VAT1L: variants seen among roughly 807,000 people sequenced by gnomAD.
VAT1L encodes putative NADPH-dependent quinone oxidoreductase VAT1L.
Under a neutral mutation model 44.1 loss-of-function variants are expected in VAT1L, and 34 were observed. That is an observed-to-expected ratio of 0.77 (90% CI 0.59 to 1.03). The LOEUF (loss-of-function observed/expected upper bound fraction) is 1.03, where lower values mean the gene tolerates loss of function less well. Ranked by LOEUF, VAT1L falls within the 50% of genes least tolerant of loss-of-function variation. The pLI is 0.00. For missense variants in VAT1L, 615 were observed against 538.8 expected, an observed-to-expected ratio of 1.14 and a Z score of -1.40; for synonymous variants, 253 against 202.2, an observed-to-expected ratio of 1.25 and a Z score of -2.13.
intron 5 of VAT1L, among the ~76,000 whole-genome samples, chr16:77,878,465 C>A (rs1011338634): frequency 2.6e-5 from 4 of 152,056 alleles, no homozygotes; most frequent in Admixed American, 2.0e-4. Context: ...TCATTCCCCC[C>A]TCCCCTGCCC....
rs761214794 is a variant in VAT1L at position 77,825,228 on chromosome 16, G to T, written c.364-18G>T. ...TCATGAGGTAGCCTCCACTAACTCT[G>T]TGTTTCCCCATGCCCAGATTGGAGA... On this transcript the variant is annotated intron_variant, in intron 2 of 8. Transcript: ENST00000302536. 1.2e-6 allele frequency: 2 copies of T among 1,613,706 alleles called. No homozygotes were observed. Among genetic ancestry groups the T allele is most frequent in the South Asian group, 1.1e-5 (1 of 91,050 alleles).
intron 8 of VAT1L, among the ~76,000 whole-genome samples, chr16:77,973,588 G>C (rs1436564910): frequency 6.7e-6 from 1 of 149,674 alleles, no homozygotes; most frequent in East Asian, 2.0e-4. Context: ...TGGCCCCCAG[G>C]TTATCTTTAA....
At chr16:77,872,759 C>A (rs554742535) in intron 4 of VAT1L, among the ~76,000 whole-genome samples, 10 of 152,212 alleles carry the variant, frequency 6.6e-5, no homozygotes, top group Non-Finnish European at 1.2e-4. Flanking sequence ...GTGTTTGGTT[C>A]ATTTATAGAT....
chr16:77,797,059 G>A (rs543716819), intron 1 of VAT1L, among the ~76,000 whole-genome samples: 1 of 152,100 alleles, frequency 6.6e-6, no homozygotes, highest in African/African-American at 2.4e-5. Context: ...CTAAAGGCCC[G>A]GATTTCACCA....
intron 7 of VAT1L, among the ~76,000 whole-genome samples, chr16:77,949,669 C>T (rs553935810): frequency 2.0e-5 from 3 of 152,324 alleles, no homozygotes; most frequent in South Asian, 2.1e-4. Flanking sequence ...GATCTCTGCA[C>T]GTGCCAGCTC....
intron 3 of VAT1L, among the ~76,000 whole-genome samples, chr16:77,843,733 TC>T (rs1375625045): frequency 6.6e-6 from 1 of 152,198 alleles, no homozygotes; most frequent in Non-Finnish European, 1.5e-5. Context: ...CTACTCCCTG[TC>T]CCTGATACAA....
At chr16:77,894,133 T>C (rs2017296864) in intron 7 of VAT1L, among the ~76,000 whole-genome samples, 2 of 152,158 alleles carry the variant, frequency 1.3e-5, no homozygotes, top group Admixed American at 6.5e-5. Context: ...GTCTCCACTA[T>C]GTTGGGAAAG....
At chr16:77,913,700 G>A (rs1324946627) in intron 7 of VAT1L, among the ~76,000 whole-genome samples, 2 of 152,172 alleles carry the variant, frequency 1.3e-5, no homozygotes, top group Admixed American at 1.3e-4. Flanking sequence ...TCTTTGACAT[G>A]GTTGGAGGGG....
At chr16:77,839,106 G>T (rs1368491685) in intron 3 of VAT1L, among the ~76,000 whole-genome samples, 1 of 152,120 alleles carries the variant, frequency 6.6e-6, no homozygotes, top group African/African-American at 2.4e-5. Flanking sequence ...CGCAGAACAT[G>T]AGGACGTAAG....
rs1425965680 is a variant in VAT1L at position 77,834,726 on chromosome 16, C to T, written c.579+9265C>T. 5.3e-5 allele frequency among the ~76,000 whole-genome samples: 8 copies of T among 152,218 alleles called. 1 individual carries two copies. The highest frequency in any genetic ancestry group is 1.9e-4 in the African/African-American group (8 of 41,544). On this transcript the variant is annotated intron_variant, in intron 3 of 8. Coordinates refer to ENST00000302536, the MANE Select transcript of VAT1L (RefSeq NM_020927.3). ...TATCTTAAATCACTAAGATTCCAGGCCCTTGACATCACCTACCATGTGTTA... is the reference window on the plus strand; with the variant it reads ...TATCTTAAATCACTAAGATTCCAGGTCCTTGACATCACCTACCATGTGTTA...
rs2017308314 is a variant in VAT1L at position 77,895,100 on chromosome 16, C to CACACACACACACACACACACA, written c.1077+10298_1077+10299insACACACACACACACACACACA. Among the ~76,000 whole-genome samples the CACACACACACACACACACACA allele has an allele frequency of 6.0e-3, 877 of 145,238 alleles. 6 individuals carry two copies. Among genetic ancestry groups the CACACACACACACACACACACA allele is most frequent in the African/African-American group, 0.022 (837 of 38,314 alleles). On this transcript the variant is annotated intron_variant, in intron 7 of 8. Transcript: ENST00000302536. ...CAACGTGATCACCCCAGCCACTTGC[C>CACACACACACACACACACACA]CACACACACACACACACTCACACAT...
intron 7 of VAT1L, among the ~76,000 whole-genome samples, chr16:77,885,631 G>A (rs2017201660): frequency 3.3e-5 from 5 of 151,800 alleles, no homozygotes; most frequent in Admixed American, 3.3e-4. Context: ...AAAATATGTG[G>A]GAATGTTTTT....
At chr16:77,902,836 G>T (rs1472700671) in intron 7 of VAT1L, among the ~76,000 whole-genome samples, 3 of 151,836 alleles carry the variant, frequency 2.0e-5, no homozygotes, top group African/African-American at 7.3e-5. Context: ...AGCTGGGAAT[G>T]GTTGTCCACT....
intron 7 of VAT1L, among the ~76,000 whole-genome samples, chr16:77,917,781 G>T (rs1038085958): frequency 2.0e-5 from 3 of 152,146 alleles, no homozygotes; most frequent in Non-Finnish European, 4.4e-5. Flanking sequence ...CACTAAAGAG[G>T]AATAAGGAGA....
chr16:77,852,501 G>A (rs538694678), intron 3 of VAT1L, among the ~76,000 whole-genome samples: 11 of 152,278 alleles, frequency 7.2e-5, no homozygotes, highest in South Asian at 2.1e-4. Context: ...TAGCAATAAG[G>A]CCCCTTGCAT....
At chr16:77,865,173 C>G (rs1285847498) in intron 4 of VAT1L, among the ~76,000 whole-genome samples, 1 of 151,892 alleles carries the variant, frequency 6.6e-6, no homozygotes, top group African/African-American at 2.4e-5. Flanking sequence ...CGGGGTTTCA[C>G]CATGTTAGCC....
At chr16:77,809,703 A>G (rs192927589) in intron 1 of VAT1L, among the ~76,000 whole-genome samples, 1 of 152,356 alleles carries the variant, frequency 6.6e-6, no homozygotes, top group Admixed American at 6.5e-5. Flanking sequence ...ATCTACTGCC[A>G]TTGCCCACAA....
chr16:77,858,359 C>T (rs971765253), intron 3 of VAT1L, among the ~76,000 whole-genome samples: 1 of 152,134 alleles, frequency 6.6e-6, no homozygotes, highest in Non-Finnish European at 1.5e-5. Flanking sequence ...GGCGTTGATG[C>T]TAAAATAGCA....
intron 7 of VAT1L, among the ~76,000 whole-genome samples, chr16:77,932,178 A>G (rs903554383): frequency 6.9e-6 from 1 of 144,452 alleles, no homozygotes; most frequent in Non-Finnish European, 1.5e-5. Flanking sequence ...ATCTTGGATC[A>G]TTGCAAGCTC....
Sources: allele counts gnomAD v4.1 joint callset (sites outside exome capture counted in the v4.1 genomes callset), GRCh38; gene constraint gnomAD v4.1.1; transcripts MANE v1.5; gene names NCBI Gene and HGNC (gene_info 2026-07-23, HGNC 2026-07-21).